SLC2A5: variants seen among roughly 807,000 people sequenced by gnomAD.
The protein encoded by SLC2A5 is solute carrier family 2, facilitated glucose transporter member 5.
Under a neutral mutation model 50.3 loss-of-function variants are expected in SLC2A5, and 56 were observed. That is an observed-to-expected ratio of 1.11 (90% CI 0.90 to 1.39). The LOEUF (loss-of-function observed/expected upper bound fraction) is 1.39, where lower values mean the gene tolerates loss of function less well. SLC2A5 is among the 40% of genes most tolerant of loss of function. SLC2A5 has a pLI of 0.00. For synonymous variants in SLC2A5, 269 were observed against 281.9 expected (o/e 0.95, Z 0.46); for missense variants, 566 against 650.1 (o/e 0.87, Z 1.41).
rs972142462 is a variant in SLC2A5, at chr1:9,038,469, C to T, written c.1136G>A (p.Cys379Tyr). 3.7e-6 allele frequency: 6 copies of T among 1,613,616 alleles called. No individual in the cohort carries two copies. Among genetic ancestry groups the T allele is most frequent in the Non-Finnish European group, 5.1e-6 (6 of 1,179,854 alleles). ...VSWMPYISIV[C>Y]VISYVIGHAL... Reference sequence around the variant, plus strand: ...ATGTCCTATGACGTAGGAGATGACACAGACGATGCTGATGTATGGCATCCA... The same window carrying T: ...ATGTCCTATGACGTAGGAGATGACATAGACGATGCTGATGTATGGCATCCA... The change falls in exon 10 of 12, where the codon TGT (cysteine) becomes TAT (tyrosine). Residue 379 changes from cysteine to tyrosine, a missense_variant. Physicochemically the swap from Cys to Tyr is radical, Grantham distance 194. Transcript: ENST00000377424.
chr1:9,081,485 A>T (rs1642352551), intron 2 of SLC2A5, among the ~76,000 whole-genome samples: 1 of 150,586 alleles, frequency 6.6e-6, no homozygotes, highest in African/African-American at 2.4e-5. Context: ...AAAAAAAAAA[A>T]AAAAGTAAAA....
chr1:9,042,607 GTGTGTA>G (rs1224305195), intron 4 of SLC2A5, among the ~76,000 whole-genome samples: 1 of 149,804 alleles, frequency 6.7e-6, no homozygotes, highest in Admixed American at 6.7e-5. Context: ...GTGTGTGTGT[GTGTGTA>G]TGTGTATATA....
Position 9,035,385 on chromosome 1 carries a change from C to T in SLC2A5, c.*2201G>A, listed in dbSNP as rs11121304. On this transcript the variant is annotated 3_prime_UTR_variant, in exon 12 of 12. Coordinates refer to ENST00000377424, the MANE Select transcript of SLC2A5 (RefSeq NM_003039.3). ...TGGTTGTTTCTGTGCCCCTTCCAGG[C>T]TGCAGATCCTTGCTGCAGAAGGCCA... 0.4 allele frequency: 61,444 copies of T among 152,092 alleles called. 13,081 individuals carry two copies. The highest frequency in any genetic ancestry group is 0.65 in the East Asian group (3,362 of 5,170). 9.4% of individuals were successfully genotyped at this position (152,092 alleles called of 1,614,324 possible). A position where few individuals can be genotyped will look rare whatever the true frequency, so the allele number is the denominator to read the frequency against.
At chr1:9,049,135 T>C (rs539655911) in intron 3 of SLC2A5, 1 of 456,222 alleles carries the variant, frequency 2.2e-6, no homozygotes, top group East Asian at 7.0e-5. Context: ...CAAACTTCTC[T>C]GGAGGGGCCT....
intron 2 of SLC2A5, among the ~76,000 whole-genome samples, chr1:9,083,196 G>A (rs1421720101): frequency 1.3e-5 from 2 of 152,188 alleles, no homozygotes; most frequent in Non-Finnish European, 2.9e-5. Flanking sequence ...AGAACTGTAA[G>A]CTCAAAGGCA....
At chr1:9,074,657 T>C (rs1441953368) in intron 2 of SLC2A5, among the ~76,000 whole-genome samples, 1 of 36,472 alleles carries the variant, frequency 2.7e-5, no homozygotes, top group Non-Finnish European at 4.9e-5. Flanking sequence ...ATTGGGGTCC[T>C]GAGTTTTTTA....
intron 1 of SLC2A5, among the ~76,000 whole-genome samples, chr1:9,086,477 C>A (rs1365566435): frequency 3.3e-5 from 5 of 151,752 alleles, no homozygotes; most frequent in Non-Finnish European, 5.9e-5. Flanking sequence ...CAACCTCTGC[C>A]TCCCAGGTTC....
rs1018528958 is a variant in SLC2A5, at chr1:9,069,422, C to G, written c.33+82G>C. On this transcript the variant is annotated intron_variant, in intron 1 of 11. Transcript: ENST00000377424. Reference sequence around the variant, plus strand: ...AGTTCCCTCTGCAACACCAGGAGCCCCCCAGCGACTCTCCAGGAAGGCTGC... The same window carrying G: ...AGTTCCCTCTGCAACACCAGGAGCCGCCCAGCGACTCTCCAGGAAGGCTGC... The G allele has an allele frequency of 7.7e-6, 11 of 1,430,388 alleles. No homozygotes were observed. The African/African-American group carries it at 1.5e-4, about 20-fold the overall frequency. 88.6% of individuals were successfully genotyped at this position (1,430,388 alleles called of 1,614,324 possible). A position where few individuals can be genotyped will look rare whatever the true frequency, so the allele number is the denominator to read the frequency against.
intron 1 of SLC2A5, among the ~76,000 whole-genome samples, chr1:9,059,132 C>CTTTTT (rs1416919220): frequency 0.013 from 1,021 of 80,212 alleles, 53 homozygotes; most frequent in Non-Finnish European, 0.016. Flanking sequence ...AGCCGCCTTT[C>CTTTTT]TTTCTTTTTT....
At chr1:9,088,815 C>A (rs1474112977), upstream of SLC2A5, among the ~76,000 whole-genome samples, 1 of 152,078 alleles carries the variant, frequency 6.6e-6, no homozygotes, top group African/African-American at 2.4e-5. Context: ...GCAAAAGCTA[C>A]TTCAGCCAGT....
rs1478301049 is a variant in SLC2A5, at chr1:9,058,180, T to C, written c.104A>G (p.Asn35Ser). Residue 35 changes from asparagine (N) to serine (S), a missense_variant, in exon 2 of 12, where the codon AAC becomes AGC. Coordinates refer to ENST00000377424, the MANE Select transcript of SLC2A5 (RefSeq NM_003039.3). The stretch of plus-strand genomic sequence containing the variant: ...TGCTGGGGAGTTGACAGCAGCCACG[T>C]TGTACCCATACTGGAAGGATGACCC... ...AFGSSFQYGYNVAAVNSPALL... is the reference protein window; with the variant it reads ...AFGSSFQYGYSVAAVNSPALL... The C allele has an allele frequency of 6.2e-7, 1 of 1,613,936 alleles. No homozygotes were observed. Among genetic ancestry groups the C allele is most frequent in the Admixed American group, 1.7e-5 (1 of 60,016 alleles).
intron 3 of SLC2A5, among the ~76,000 whole-genome samples, chr1:9,051,103 T>C (rs767915109): frequency 7.2e-5 from 11 of 152,050 alleles, no homozygotes; most frequent in Non-Finnish European, 1.5e-4. Flanking sequence ...GGTGGACATT[T>C]TAAGGTAGTA....
At chr1:9,079,557 C>A (rs1303318767) in intron 2 of SLC2A5, among the ~76,000 whole-genome samples, 1 of 152,172 alleles carries the variant, frequency 6.6e-6, no homozygotes, top group East Asian at 1.9e-4. Flanking sequence ...GTGATCTTGG[C>A]TCCCTGCAAC....
intron 1 of SLC2A5, among the ~76,000 whole-genome samples, chr1:9,086,779 A>G (rs528754934): frequency 6.6e-6 from 1 of 152,264 alleles, no homozygotes; most frequent in East Asian, 1.9e-4. Flanking sequence ...TCATAAGGGT[A>G]TGGAAAACGG....
At chr1:9,093,706 C>T in the SLC2A5 span, among the ~76,000 whole-genome samples, 3 of 152,154 alleles carry the variant, frequency 2.0e-5, no homozygotes, top group Non-Finnish European at 2.9e-5. Context: ...CCTTACTGCT[C>T]AAACTAGAAC....
At chr1:9,037,875 G>C (rs116780481) in intron 11 of SLC2A5, 22 bp downstream of exon 11, 7 of 1,613,738 alleles carry the variant, frequency 4.3e-6, no homozygotes, top group South Asian at 1.1e-5. Context: ...GGTGGTGAGC[G>C]TGGGCCCCGG....
chr1:9,074,452 G>A (rs1229604411), upstream of SLC2A5, among the ~76,000 whole-genome samples: 1 of 152,136 alleles, frequency 6.6e-6, no homozygotes, highest in Admixed American at 6.6e-5. Context: ...TACAAGTAGA[G>A]GAATCAGCAA....
intron 2 of SLC2A5, among the ~76,000 whole-genome samples, chr1:9,084,444 C>A (rs902350802): frequency 6.6e-6 from 1 of 152,228 alleles, no homozygotes; most frequent in Non-Finnish European, 1.5e-5. Context: ...TCCTTGAATT[C>A]CTTCTGGCAA....
chr1:9,080,852 C>T (rs1038344221), intron 2 of SLC2A5, among the ~76,000 whole-genome samples: 1 of 152,160 alleles, frequency 6.6e-6, no homozygotes, highest in African/African-American at 2.4e-5. Context: ...TCGCCTGGGG[C>T]GATAGGTGTG....
Sources: allele counts gnomAD v4.1 joint callset (sites outside exome capture counted in the v4.1 genomes callset), GRCh38; gene constraint gnomAD v4.1.1; transcripts MANE v1.5; gene names NCBI Gene and HGNC (gene_info 2026-07-23, HGNC 2026-07-21).